ADAM22: variants seen among roughly 807,000 people sequenced by gnomAD.
ADAM22 encodes the protein ADAM metallopeptidase domain 22, also known as disintegrin and metalloproteinase domain-containing protein 22.
A neutral mutation model predicts 144.6 loss-of-function variants in ADAM22; 65 were observed. The observed-to-expected ratio is 0.45, with a 90% confidence interval of 0.37 to 0.55. The LOEUF (loss-of-function observed/expected upper bound fraction) is 0.55, where lower values mean the gene tolerates loss of function less well. ADAM22 is among the 20% of genes least tolerant of loss of function. The pLI is 0.00. For missense variants in ADAM22, 974 were observed against 1,184.9 expected (o/e 0.82, Z 2.61); for synonymous variants, 391 against 412.6 (o/e 0.95, Z 0.63).
At chr7:88,189,491 G>A (rs3789237) in intron 30 of ADAM22, among the ~76,000 whole-genome samples, 19,073 of 152,120 alleles carry the variant, frequency 0.13, 1,870 homozygotes, top group East Asian at 0.48. Flanking sequence ...GGAAACTGAG[G>A]TAGAAAGAGT....
intron 2 of ADAM22, among the ~76,000 whole-genome samples, chr7:87,972,945 A>G (rs751929878): frequency 6.6e-6 from 1 of 152,224 alleles, no homozygotes; most frequent in Admixed American, 6.5e-5. Context: ...AATTAATTCA[A>G]GATGGATTAA....
intron 14 of ADAM22, among the ~76,000 whole-genome samples, chr7:88,140,120 C>T (rs1325623826): frequency 6.6e-6 from 1 of 152,076 alleles, no homozygotes; most frequent in Non-Finnish European, 1.5e-5. Flanking sequence ...CTCTTTTTAA[C>T]AACCGAATCT....
chr7:88,010,682 A>G (rs1795151854), intron 3 of ADAM22, among the ~76,000 whole-genome samples: 3 of 152,126 alleles, frequency 2.0e-5, no homozygotes, highest in Admixed American at 1.3e-4. Flanking sequence ...GTGTCTCTCC[A>G]TGAGTCTAGC....
At chr7:87,962,666 G>A (rs1425966769) in intron 2 of ADAM22, among the ~76,000 whole-genome samples, 1 of 151,716 alleles carries the variant, frequency 6.6e-6, no homozygotes, top group African/African-American at 2.4e-5. Context: ...CTTAGTCTGG[G>A]TCAAACTCCT....
intron 30 of ADAM22, among the ~76,000 whole-genome samples, chr7:88,192,252 G>A (rs78913740): frequency 0.074 from 11,208 of 152,220 alleles, 615 homozygotes; most frequent in Non-Finnish European, 0.11. Flanking sequence ...TAGTGGTAAC[G>A]TTTGTGAATG....
chr7:88,024,752 C>G (rs887135520), intron 3 of ADAM22, among the ~76,000 whole-genome samples: 2 of 145,130 alleles, frequency 1.4e-5, no homozygotes, highest in Admixed American at 7.1e-5. Flanking sequence ...CTTCCTGTGT[C>G]CATGTGTTCT....
intron 5 of ADAM22, among the ~76,000 whole-genome samples, chr7:88,112,225 CA>C (rs1563241235): frequency 6.6e-6 from 1 of 152,130 alleles, no homozygotes; most frequent in Non-Finnish European, 1.5e-5. Flanking sequence ...GAATGTCATC[CA>C]AATTCAGAAA....
intron 3 of ADAM22, 64 bp downstream of exon 3, chr7:87,978,476 T>C (rs2129448806): frequency 1.4e-6 from 2 of 1,439,448 alleles, no homozygotes; most frequent in Middle Eastern, 1.8e-4. Flanking sequence ...TTTCCACTTG[T>C]AAAGTTTTTT....
chr7:88,000,589 A>G (rs745494339), intron 3 of ADAM22, among the ~76,000 whole-genome samples: 5 of 152,286 alleles, frequency 3.3e-5, no homozygotes, highest in Non-Finnish European at 5.9e-5. Flanking sequence ...CCACAAAGAC[A>G]ATATTCTAGT....
chr7:88,014,897 TC>T (rs1409681255), intron 3 of ADAM22, among the ~76,000 whole-genome samples: 2 of 152,136 alleles, frequency 1.3e-5, no homozygotes, highest in Non-Finnish European at 1.5e-5. Context: ...CTAAGCTAAG[TC>T]CCACCCACAG....
chr7:88,058,785 A>T (rs1808975724), intron 3 of ADAM22, among the ~76,000 whole-genome samples: 1 of 152,232 alleles, frequency 6.6e-6, no homozygotes, highest in African/African-American at 2.4e-5. Flanking sequence ...AAAGCTTATA[A>T]TGTGAAATGA....
rs1217929885 is a variant in ADAM22, at chr7:88,068,920, T to G, written c.324-6706T>G. On this transcript the variant is annotated intron_variant, in intron 3 of 31. Coordinates refer to ENST00000413139, the MANE Select transcript of ADAM22 (RefSeq NM_001324418.2). ...TCAGATGTTACGCAGAGCTGTAGTTTGAATGTTTGTCACCTCTAAATATCA... is the reference window on the plus strand; with the variant it reads ...TCAGATGTTACGCAGAGCTGTAGTTGGAATGTTTGTCACCTCTAAATATCA... Among the ~76,000 whole-genome samples the G allele has an allele frequency of 2.6e-5, 4 of 152,174 alleles. No homozygotes were observed. In the South Asian group the frequency reaches 8.3e-4, roughly 32 times the overall value.
intron 3 of ADAM22, among the ~76,000 whole-genome samples, chr7:88,006,271 C>A (rs932653121): frequency 6.6e-6 from 1 of 152,116 alleles, no homozygotes; most frequent in African/African-American, 2.4e-5. Context: ...AGCTTACCAA[C>A]CAAAAAGTGT....
chr7:88,085,536 A>G (rs1038385705), intron 4 of ADAM22, among the ~76,000 whole-genome samples: 1 of 152,220 alleles, frequency 6.6e-6, no homozygotes, highest in East Asian at 1.9e-4. Context: ...TAACATAGCA[A>G]GAGACTGTCT....
chr7:88,146,955 C>G (rs1836661114), intron 17 of ADAM22, among the ~76,000 whole-genome samples: 1 of 152,178 alleles, frequency 6.6e-6, no homozygotes, highest in Non-Finnish European at 1.5e-5. Context: ...CCTGTTTATT[C>G]TGTCAGCTTT....
At chr7:88,082,337 C>T (rs1018364583) in intron 4 of ADAM22, among the ~76,000 whole-genome samples, 9 of 152,134 alleles carry the variant, frequency 5.9e-5, no homozygotes, top group Non-Finnish European at 8.8e-5. Context: ...AAAATTAATT[C>T]AAGATGGATT....
chr7:88,073,747 C>T (rs1813448954), intron 3 of ADAM22, among the ~76,000 whole-genome samples: 1 of 152,134 alleles, frequency 6.6e-6, no homozygotes, highest in South Asian at 2.1e-4. Context: ...ATATGCCTTC[C>T]CCACTGATGG....
At chr7:87,996,772 A>C (rs1000396085) in intron 3 of ADAM22, among the ~76,000 whole-genome samples, 1 of 152,254 alleles carries the variant, frequency 6.6e-6, no homozygotes, top group African/African-American at 2.4e-5. Flanking sequence ...GGTTCGCAGC[A>C]TAGTCTTTGT....
At chr7:88,096,917 A>G (rs1042490089) in intron 4 of ADAM22, among the ~76,000 whole-genome samples, 1 of 152,138 alleles carries the variant, frequency 6.6e-6, no homozygotes, top group Admixed American at 6.5e-5. Flanking sequence ...CATTAGATAC[A>G]ACCTTAAATA....
Sources: allele counts gnomAD v4.1 joint callset (sites outside exome capture counted in the v4.1 genomes callset), GRCh38; gene constraint gnomAD v4.1.1; transcripts MANE v1.5; gene names NCBI Gene and HGNC (gene_info 2026-07-23, HGNC 2026-07-21).